The following SYNE1 variants were observed in gnomAD, a reference collection of about 807,000 sequenced individuals.
SYNE1 encodes spectrin repeat containing nuclear envelope protein 1.
SYNE1 carries 616 observed loss-of-function variants against 1,111.0 expected under a neutral mutation model. The observed-to-expected ratio is 0.55, with a 90% CI of 0.52 to 0.59. The LOEUF (loss-of-function observed/expected upper bound fraction) is 0.59, where lower values mean the gene tolerates loss of function less well. SYNE1 is among the 20% of genes least tolerant of loss of function. The pLI is 0.00. For missense variants in SYNE1, 10,006 were observed against 10,417.0 expected (o/e 0.96, Z 1.72); for synonymous variants, 3,855 against 3,825.8 (o/e 1.01, Z -0.28).
intron 34 of SYNE1, among the ~76,000 whole-genome samples, chr6:152,431,446 AT>A (rs1172181593): frequency 6.6e-6 from 1 of 152,240 alleles, no homozygotes; most frequent in Non-Finnish European, 1.5e-5. Flanking sequence ...AAGAAAGGAC[AT>A]TTTACATGTT....
intron 62 of SYNE1, among the ~76,000 whole-genome samples, chr6:152,365,559 A>G (rs2097058210): frequency 6.6e-6 from 1 of 152,130 alleles, no homozygotes; most frequent in African/African-American, 2.4e-5. Flanking sequence ...CCCTGGGATC[A>G]AGCGATCCTT....
At chr6:152,582,409 A>C (rs1210871031) in intron 3 of SYNE1, among the ~76,000 whole-genome samples, 1 of 152,102 alleles carries the variant, frequency 6.6e-6, no homozygotes, top group African/African-American at 2.4e-5. Flanking sequence ...AAGTATTCAA[A>C]TATGTGTATA....
intron 131 of SYNE1, among the ~76,000 whole-genome samples, chr6:152,160,855 T>G (rs1289962847): frequency 6.6e-6 from 1 of 152,112 alleles, no homozygotes; most frequent in African/African-American, 2.4e-5. Flanking sequence ...AGTTTTACAG[T>G]GTGGCTTTGC....
intron 95 of SYNE1, among the ~76,000 whole-genome samples, chr6:152,287,904 T>A (rs1012740370): frequency 1.3e-5 from 2 of 152,242 alleles, no homozygotes; most frequent in Admixed American, 6.5e-5. Context: ...CTGCAATTTT[T>A]AAAACGTGAT....
chr6:152,156,653 G>T (rs1178532286), intron 131 of SYNE1, among the ~76,000 whole-genome samples: 5 of 152,056 alleles, frequency 3.3e-5, no homozygotes, highest in Non-Finnish European at 7.4e-5. Flanking sequence ...ATTGTTTAGG[G>T]AATCATGACA....
chr6:152,235,975 TC>T (rs1223263713), intron 110 of SYNE1, 131 bp downstream of exon 110: 6 of 968,832 alleles, frequency 6.2e-6, no homozygotes, highest in Non-Finnish European at 9.7e-6. Context: ...ACTCCTGGCC[TC>T]AAGCAGTCCT....
intron 56 of SYNE1, among the ~76,000 whole-genome samples, chr6:152,378,527 G>A (rs1247557291): frequency 2.0e-5 from 3 of 152,064 alleles, no homozygotes; most frequent in African/African-American, 4.8e-5. Context: ...GCCTCTGCAC[G>A]TTGACTTTCA....
At chr6:152,510,554 A>G (rs1178853039) in intron 7 of SYNE1, among the ~76,000 whole-genome samples, 183 bp from the exon 8 acceptor site, 1 of 152,194 alleles carries the variant, frequency 6.6e-6, no homozygotes, top group Admixed American at 6.5e-5. Context: ...TTGCACCCCT[A>G]GTGTATCTTA....
intron 40 of SYNE1, among the ~76,000 whole-genome samples, chr6:152,417,879 A>G (rs1183974887): frequency 6.6e-6 from 1 of 152,198 alleles, no homozygotes; most frequent in Non-Finnish European, 1.5e-5. Flanking sequence ...TCTATCCACA[A>G]AATCCATGAA....
chr6:152,254,629 T>A (rs371090441), intron 104 of SYNE1, among the ~76,000 whole-genome samples: 1 of 152,168 alleles, frequency 6.6e-6, no homozygotes, highest in African/African-American at 2.4e-5. Context: ...ATCCATAAAT[T>A]TGACTTTTAT....
At chr6:152,571,738 T>C (rs2099460169) in intron 3 of SYNE1, among the ~76,000 whole-genome samples, 2 of 152,178 alleles carry the variant, frequency 1.3e-5, no homozygotes, top group South Asian at 4.1e-4. Flanking sequence ...TCAATTACTG[T>C]GACGAAAGAG....
chr6:152,596,403 G>A (rs936963121), intron 3 of SYNE1, among the ~76,000 whole-genome samples: 1 of 151,674 alleles, frequency 6.6e-6, no homozygotes, highest in Admixed American at 6.6e-5. Context: ...TTACAGGGGT[G>A]TGCCACCATG....
chr6:152,346,764 C>A (rs1379802086), intron 73 of SYNE1, among the ~76,000 whole-genome samples: 1 of 152,088 alleles, frequency 6.6e-6, no homozygotes, highest in Admixed American at 6.5e-5. Flanking sequence ...GAGCCGAGAT[C>A]GCGCCACTGC....
In SYNE1 at chr6:152,350,208, C is replaced by A. The variant is rs7775119; in HGVS notation, c.11861G>T (p.Ser3954Ile). The A allele has an allele frequency of 4.3e-6, 7 of 1,613,846 alleles. No homozygotes were observed. Among genetic ancestry groups the A allele is most frequent in the Non-Finnish European group, 5.9e-6 (7 of 1,179,992 alleles). The change falls in exon 72 of 146, where the codon AGC becomes ATC. Residue 3954 changes from serine (S) to isoleucine (I), a missense_variant. Ser to Ile is a moderately radical substitution (Grantham distance 142, BLOSUM62 -2). Coordinates refer to ENST00000367255, the MANE Select transcript of SYNE1 (RefSeq NM_182961.4). The part of the protein sequence containing the change: ...RLVAPDLLET[S>I]SLETITQQLA... ...TTGCTGGGTGATTGTCTCCAGGCTG[C>A]TTGTCTCCAGGAGGTCAGGTGCCAC... is the stretch of plus-strand genomic sequence containing the variant.
chr6:152,173,016 G>A (rs1158626981), intron 130 of SYNE1, among the ~76,000 whole-genome samples: 2 of 152,208 alleles, frequency 1.3e-5, no homozygotes, highest in Admixed American at 6.5e-5. Context: ...GCTAGTGACT[G>A]CTGTATTACA....
chr6:152,515,244 GA>G (rs924108981), intron 6 of SYNE1, among the ~76,000 whole-genome samples: 1 of 150,130 alleles, frequency 6.7e-6, no homozygotes, highest in East Asian at 1.9e-4. Flanking sequence ...GAAAAGAAAA[GA>G]AAAAAAGTAA....
At chr6:152,289,799 T>TG (rs1388887919) in intron 95 of SYNE1, among the ~76,000 whole-genome samples, 6 of 152,262 alleles carry the variant, frequency 3.9e-5, no homozygotes, top group Admixed American at 2.0e-4. Context: ...GCTAAGTTTT[T>TG]GTATTTTTAG....
rs1227805283 is a variant in SYNE1 at position 152,319,007 on chromosome 6, G to T, written c.16245C>A (p.Asp5415Glu). 5.6e-6 allele frequency: 9 copies of T among 1,613,934 alleles called. No homozygotes were observed. Among genetic ancestry groups the T allele is most frequent in the Non-Finnish European group, 7.6e-6 (9 of 1,179,974 alleles). The change falls in exon 85 of 146, where the codon GAC becomes GAA. Residue 5415 changes from aspartate (D) to glutamate (E), a missense_variant. By Grantham distance (45) the Asp-to-Glu change is conservative. Coordinates refer to ENST00000367255, the MANE Select transcript of SYNE1 (RefSeq NM_182961.4). ...LDLKIRDQIQ[D>E]KIKEVEQSKA... ...TGCTCTGCTCAACTTCTTTTATTTT[G>T]TCTTGGATCTAAAAAAATCAGTAAG...
At chr6:152,500,077 T>C (rs1191552323) in intron 10 of SYNE1, among the ~76,000 whole-genome samples, 2 of 152,210 alleles carry the variant, frequency 1.3e-5, no homozygotes, top group Non-Finnish European at 2.9e-5. Flanking sequence ...AGATGATTAA[T>C]GTCAGAGACT....
Sources: gnomAD v4.1 joint callset for allele counts (sites outside exome capture counted in the v4.1 genomes callset) on GRCh38, gnomAD v4.1.1 for gene constraint, MANE v1.5 for transcripts, NCBI Gene and HGNC (gene_info 2026-07-23, HGNC 2026-07-21) for gene names.